ADGRD1: variants seen among roughly 807,000 people sequenced by gnomAD.
ADGRD1 encodes the protein adhesion G protein-coupled receptor D1.
In ADGRD1, 77 loss-of-function variants were observed where a neutral mutation model predicts 113.4. The ratio of observed to expected loss-of-function variants is 0.68; its 90% CI spans 0.57 to 0.82. ADGRD1 has a LOEUF of 0.82. ADGRD1 is among the 40% of genes least tolerant of loss of function. The probability of loss-of-function intolerance (pLI) is 0.00; values close to 1 mark genes in which losing one functional copy is unlikely to be tolerated. For synonymous variants in ADGRD1, 474 were observed against 475.0 expected, an observed-to-expected ratio of 1.00 and a Z score of 0.03; for missense variants, 1,036 against 1,139.1, an observed-to-expected ratio of 0.91 and a Z score of 1.30.
At position 130,992,234 on chromosome 12, in the gene ADGRD1, C is replaced by T; in HGVS notation, c.811-3C>T. ...AGAAACTCATGTTGCCAATTTCTTT[C>T]AGATGCCCACAGATGCCTACCATCC... On this transcript the variant is annotated splice_region_variant and splice_polypyrimidine_tract_variant and intron_variant, in intron 7 of 24. Coordinates refer to ENST00000261654, the MANE Select transcript of ADGRD1 (RefSeq NM_198827.5). 6.2e-7 allele frequency: 1 copy of T among 1,601,480 alleles called. No individual in the cohort carries two copies. The highest frequency in any genetic ancestry group is 8.5e-7 in the Non-Finnish European group (1 of 1,176,366).
chr12:130,979,817 T>TCTCACACACACACACACACACACA (rs1491498051), intron 4 of ADGRD1, among the ~76,000 whole-genome samples: 3 of 53,842 alleles, frequency 5.6e-5, no homozygotes, highest in Non-Finnish European at 1.9e-4. Context: ...AGCTAGTGTC[T>TCTCACACACACACACACACACACA]CACACACACA....
At chr12:131,119,926 G>T (rs1310136400) in intron 19 of ADGRD1, among the ~76,000 whole-genome samples, 1 of 152,164 alleles carries the variant, frequency 6.6e-6, no homozygotes, top group Non-Finnish European at 1.5e-5. Context: ...GGGCAGGGAG[G>T]CAGTGTGCTG....
chr12:131,017,532 C>T (rs1010153011), intron 13 of ADGRD1, among the ~76,000 whole-genome samples: 3 of 151,366 alleles, frequency 2.0e-5, no homozygotes, highest in Non-Finnish European at 4.4e-5. Context: ...CACAGACACA[C>T]ACACCCAGTG....
chr12:131,042,644 C>T (rs1882254052), intron 13 of ADGRD1, among the ~76,000 whole-genome samples: 1 of 152,316 alleles, frequency 6.6e-6, no homozygotes, highest in Non-Finnish European at 1.5e-5. Context: ...CTCCCAGCTC[C>T]GTGTTCGGTC....
intron 12 of ADGRD1, among the ~76,000 whole-genome samples, chr12:131,007,380 GC>G (rs1332062741): frequency 6.6e-6 from 1 of 152,230 alleles, no homozygotes; most frequent in Non-Finnish European, 1.5e-5. Flanking sequence ...AAACCAGGCG[GC>G]CAGCCCAAGA....
chr12:131,136,599 T>TCCCCCCCCC (rs1382032915), intron 22 of ADGRD1, among the ~76,000 whole-genome samples: 1 of 152,062 alleles, frequency 6.6e-6, no homozygotes, highest in Non-Finnish European at 1.5e-5. Context: ...CAGGCATGGG[T>TCCCCCCCCC]CCCCATCGCC....
At chr12:131,124,671 C>T (rs533443518) in intron 20 of ADGRD1, among the ~76,000 whole-genome samples, 2 of 105,570 alleles carry the variant, frequency 1.9e-5, no homozygotes, top group South Asian at 4.8e-4. Flanking sequence ...CACTGCCCAC[C>T]GCCCCTTCTC....
intron 18 of ADGRD1, 28 bp downstream of exon 18, chr12:131,108,905 C>T (rs770454791): frequency 1.2e-4 from 26 of 212,084 alleles, no homozygotes; most frequent in Non-Finnish European, 2.0e-4. Context: ...GGTGGGATGG[C>T]GGGGCGGGAG....
chr12:131,013,560 G>A (rs1878190116), intron 12 of ADGRD1, among the ~76,000 whole-genome samples: 1 of 152,176 alleles, frequency 6.6e-6, no homozygotes, highest in South Asian at 2.1e-4. Context: ...GGGCTGCGGT[G>A]CACTGACTGA....
chr12:131,004,344 C>T, intron 11 of ADGRD1, 48 bp downstream of exon 11: 1 of 1,350,002 alleles, frequency 7.4e-7, no homozygotes, highest in East Asian at 2.3e-5. Flanking sequence ...TCCCTCAAGT[C>T]TTTCTGAAGA....
At chr12:131,071,944 C>T (rs938727555) in intron 13 of ADGRD1, among the ~76,000 whole-genome samples, 44 of 150,886 alleles carry the variant, frequency 2.9e-4, no homozygotes, top group Middle Eastern at 3.4e-3. Flanking sequence ...CTTCGTGTGC[C>T]GCGCTTTCCA....
intron 9 of ADGRD1, among the ~76,000 whole-genome samples, chr12:131,001,260 G>A (rs1047064611): frequency 5.9e-5 from 9 of 152,116 alleles, no homozygotes; most frequent in Middle Eastern, 3.2e-3. Flanking sequence ...AAAGGAGAAT[G>A]AAATAATTTT....
intron 21 of ADGRD1, among the ~76,000 whole-genome samples, 196 bp downstream of exon 21, chr12:131,132,012 T>G (rs1018219362): frequency 1.3e-5 from 2 of 152,146 alleles, no homozygotes; most frequent in African/African-American, 2.4e-5. Context: ...GACAGGGCCT[T>G]TACCCAGCCC....
chr12:131,132,051 T>G (rs1160459200), intron 21 of ADGRD1, among the ~76,000 whole-genome samples: 4 of 151,844 alleles, frequency 2.6e-5, no homozygotes, highest in African/African-American at 9.7e-5. Flanking sequence ...AAGAACGGAG[T>G]CTACGGAGTT....
At chr12:131,083,261 T>A (rs1886205767) in intron 14 of ADGRD1, among the ~76,000 whole-genome samples, 1 of 152,154 alleles carries the variant, frequency 6.6e-6, no homozygotes, top group Non-Finnish European at 1.5e-5. Context: ...AACTTGAGGT[T>A]CCAACTTCAG....
At position 131,105,984 on chromosome 12, in the gene ADGRD1, A is replaced by C; in HGVS notation, c.1887+119A>C. On this transcript the variant is annotated intron_variant, in intron 17 of 24. Coordinates refer to ENST00000261654, the MANE Select transcript of ADGRD1 (RefSeq NM_198827.5). ...ATTTCAGAACCCATCTCCCCAGACA[A>C]CCAGGGCTGTGGTTTTCTCGGGGGA... 3 of 687,084 alleles carry C rather than the reference A, an allele frequency of 4.4e-6. No individual in the cohort carries two copies. The South Asian group carries it at 5.3e-5, about 12-fold the overall frequency. 42.6% of individuals were successfully genotyped at this position (687,084 alleles called of 1,614,324 possible).
At chr12:131,122,763 T>G (rs1395701674) in intron 20 of ADGRD1, among the ~76,000 whole-genome samples, 5 of 152,216 alleles carry the variant, frequency 3.3e-5, no homozygotes, top group Non-Finnish European at 7.3e-5. Flanking sequence ...GACACTGTCC[T>G]GGTCATCTGG....
chr12:130,995,583 GC>G (rs1340817627), intron 8 of ADGRD1, among the ~76,000 whole-genome samples: 1 of 152,146 alleles, frequency 6.6e-6, no homozygotes, highest in African/African-American at 2.4e-5. Context: ...TGAATGCACC[GC>G]CTCCTCTGCA....
Position 131,101,161 on chromosome 12 carries a change from C to T in ADGRD1, c.1672-3670C>T, listed in dbSNP as rs185568363. Among the ~76,000 whole-genome samples the T allele has an allele frequency of 4.6e-5, 7 of 151,946 alleles. No homozygotes were observed. The East Asian group carries it at 1.4e-3, about 30-fold the overall frequency. On this transcript the variant is annotated intron_variant, in intron 15 of 24. Coordinates refer to ENST00000261654, the MANE Select transcript of ADGRD1 (RefSeq NM_198827.5). ...AGTGATATGCATCCCTCTGGTGGGA[C>T]ATGAGATGACTTGGGTAGAGCAGAG... is the stretch of plus-strand genomic sequence containing the variant.
Sources: allele counts gnomAD v4.1 joint callset (sites outside exome capture counted in the v4.1 genomes callset), GRCh38; gene constraint gnomAD v4.1.1; transcripts MANE v1.5; gene names NCBI Gene and HGNC (gene_info 2026-07-23, HGNC 2026-07-21).